Variants in CLNK observed in about 807,000 individuals in gnomAD.
CLNK encodes the protein cytokine dependent hematopoietic cell linker.
In CLNK, 74 loss-of-function variants were observed where a neutral mutation model predicts 68.6. That is an observed-to-expected ratio of 1.08 (90% CI 0.89 to 1.31). The LOEUF (loss-of-function observed/expected upper bound fraction) is 1.31. CLNK is among the 50% of genes most tolerant of loss of function. The probability of loss-of-function intolerance (pLI) is 0.00; values close to 1 mark genes in which losing one functional copy is unlikely to be tolerated. For synonymous variants in CLNK, 198 were observed against 172.2 expected (o/e 1.15, Z -1.17); for missense variants, 553 against 515.3 (o/e 1.07, Z -0.71).
chr4:10,612,378 C>A (rs1439551994), intron 2 of CLNK, among the ~76,000 whole-genome samples: 1 of 152,212 alleles, frequency 6.6e-6, no homozygotes, highest in Non-Finnish European at 1.5e-5. Flanking sequence ...TGTGAAAGAT[C>A]CCACGTCCAA....
chr4:10,569,685 C>G (rs1046501249), intron 5 of CLNK, among the ~76,000 whole-genome samples: 2 of 152,184 alleles, frequency 1.3e-5, no homozygotes, highest in Admixed American at 6.5e-5. Flanking sequence ...TATAGGAATT[C>G]TGGAATGTGC....
chr4:10,621,484 G>C (rs572246895), intron 2 of CLNK, among the ~76,000 whole-genome samples: 4 of 152,316 alleles, frequency 2.6e-5, no homozygotes, highest in South Asian at 4.1e-4. Flanking sequence ...TTTGAGTCAA[G>C]AGCATGATCT....
chr4:10,716,776 C>A, the CLNK span, among the ~76,000 whole-genome samples: 3 of 146,900 alleles, frequency 2.0e-5, no homozygotes, highest in Non-Finnish European at 3.0e-5. Context: ...TCACTGCAAC[C>A]TCTGCCTCCT....
intron 1 of CLNK, among the ~76,000 whole-genome samples, chr4:10,670,438 G>A (rs568807077): frequency 3.3e-5 from 5 of 152,286 alleles, no homozygotes; most frequent in South Asian, 2.1e-4. Context: ...TAGTCTTTAC[G>A]GACAGCTCCC....
intron 2 of CLNK, 113 bp downstream of exon 2, chr4:10,667,746 C>G: frequency 1.0e-6 from 1 of 1,000,828 alleles, no homozygotes; most frequent in South Asian, 2.0e-5. Context: ...CAGGAAATCC[C>G]TTTTCCATGG....
chr4:10,655,334 CAGAGAGAGAGAGAGAGAGAG>C (rs148877353), intron 2 of CLNK, among the ~76,000 whole-genome samples: 126 of 135,098 alleles, frequency 9.3e-4, no homozygotes, highest in Non-Finnish European at 9.5e-4. Flanking sequence ...CCCCCAAAGA[CAGAGAGAGAGAGAGAGAGAG>C]AGAGAGAGAG....
intron 7 of CLNK, among the ~76,000 whole-genome samples, chr4:10,559,386 G>A (rs573285648): frequency 6.6e-6 from 1 of 152,232 alleles, no homozygotes; most frequent in East Asian, 1.9e-4. Context: ...GTGTTGGTTG[G>A]ATTATTTTTT....
intron 2 of CLNK, among the ~76,000 whole-genome samples, chr4:10,647,775 T>C (rs1404156467): frequency 1.3e-5 from 2 of 152,200 alleles, no homozygotes; most frequent in African/African-American, 2.4e-5. Flanking sequence ...AATGTTTCAC[T>C]TGTTCATTCA....
chr4:10,524,583 A>C (rs1176164018), intron 14 of CLNK, among the ~76,000 whole-genome samples: 1 of 152,162 alleles, frequency 6.6e-6, no homozygotes, highest in East Asian at 1.9e-4. Context: ...GTCAGGATTT[A>C]TGGGCTGCAT....
At chr4:10,685,077 C>A (rs34154140), upstream of CLNK, 15,904 of 152,178 alleles carry the variant, frequency 0.1, 971 homozygotes, top group South Asian at 0.16. Flanking sequence ...TTTTGCGAGT[C>A]TCACTTTATA....
At chr4:10,638,555 G>C (rs1192452449) in intron 2 of CLNK, among the ~76,000 whole-genome samples, 1 of 152,122 alleles carries the variant, frequency 6.6e-6, no homozygotes. Flanking sequence ...GTGTGACAGT[G>C]GTATATTAAT....
intron 1 of CLNK, among the ~76,000 whole-genome samples, chr4:10,668,742 G>A (rs1724509625): frequency 6.6e-6 from 1 of 152,168 alleles, no homozygotes; most frequent in Non-Finnish European, 1.5e-5. Context: ...CTGGGTTGCG[G>A]GTAGAGGAGC....
At chr4:10,591,221 A>G (rs1290242242) in intron 3 of CLNK, among the ~76,000 whole-genome samples, 3 of 152,198 alleles carry the variant, frequency 2.0e-5, no homozygotes, top group Non-Finnish European at 4.4e-5. Context: ...AGGAACACAC[A>G]GCATTGATTT....
chr4:10,571,654 A>G, intron 5 of CLNK, 87 bp downstream of exon 5: 1 of 1,125,920 alleles, frequency 8.9e-7, no homozygotes. Flanking sequence ...TTGATTTTTA[A>G]ACATTTTACC....
intron 4 of CLNK, among the ~76,000 whole-genome samples, chr4:10,582,476 G>T (rs747077391): frequency 6.6e-6 from 1 of 151,888 alleles, no homozygotes; most frequent in Non-Finnish European, 1.5e-5. Context: ...TTTATTATAC[G>T]TGGAGGCTTA....
At chr4:10,714,440 C>T in the CLNK span, among the ~76,000 whole-genome samples, 1 of 152,102 alleles carries the variant, frequency 6.6e-6, no homozygotes, top group Non-Finnish European at 1.5e-5. Flanking sequence ...ACCTATTTTC[C>T]TACAAACTTC....
At chr4:10,522,456 C>A (rs376324641) in intron 14 of CLNK, among the ~76,000 whole-genome samples, 8 of 150,946 alleles carry the variant, frequency 5.3e-5, no homozygotes, top group African/African-American at 1.9e-4. Flanking sequence ...TGCCTGTAGT[C>A]CCAGCTACTT....
At chr4:10,580,736 C>T (rs762014513) in intron 4 of CLNK, among the ~76,000 whole-genome samples, 5 of 152,022 alleles carry the variant, frequency 3.3e-5, no homozygotes, top group East Asian at 1.9e-4. Context: ...TGGTACAATG[C>T]GTTTGTGCTT....
intron 4 of CLNK, among the ~76,000 whole-genome samples, chr4:10,578,927 A>G (rs1448118451): frequency 6.6e-6 from 1 of 152,122 alleles, no homozygotes; most frequent in African/African-American, 2.4e-5. Context: ...TAGCTAAATT[A>G]GATAAGTTTA....
Sources: allele counts gnomAD v4.1 joint callset (sites outside exome capture counted in the v4.1 genomes callset), GRCh38; gene constraint gnomAD v4.1.1; transcripts MANE v1.5; gene names NCBI Gene and HGNC (gene_info 2026-07-23, HGNC 2026-07-21).